The following SLC5A11 variants were observed in gnomAD, a reference collection of about 807,000 sequenced individuals.
SLC5A11 encodes solute carrier family 5 member 11, also known as sodium/myo-inositol cotransporter 2.
A neutral mutation model predicts 69.8 loss-of-function variants in SLC5A11; 48 were observed. The ratio of observed to expected loss-of-function variants is 0.69; its 90% CI spans 0.55 to 0.87. The LOEUF (loss-of-function observed/expected upper bound fraction) is 0.87, where lower values mean the gene tolerates loss of function less well. Among genes scored for constraint, SLC5A11 ranks in the 40% least tolerant of loss-of-function variants. The pLI is 0.00. For synonymous variants in SLC5A11, 319 were observed against 342.4 expected (o/e 0.93, Z 0.75); for missense variants, 784 against 866.1 (o/e 0.91, Z 1.19).
chr16:24,897,633 T>C (rs1387036691), intron 9 of SLC5A11, among the ~76,000 whole-genome samples: 5 of 152,046 alleles, frequency 3.3e-5, no homozygotes, highest in Non-Finnish European at 7.4e-5. Flanking sequence ...TATAAAGAGG[T>C]TGAATGGACT....
intron 2 of SLC5A11, among the ~76,000 whole-genome samples, chr16:24,860,512 A>AAATTCCCTGCAGCAG (rs141284131): frequency 0.45 from 67,517 of 151,552 alleles, 17,131 homozygotes; most frequent in African/African-American, 0.7. Flanking sequence ...GCTATAAGAT[A>AAATTCCCTGCAGCAG]AATTCCCTGC....
chr16:24,858,428 T>TTGAA (rs140546428), intron 1 of SLC5A11, among the ~76,000 whole-genome samples, 192 bp from the exon 3 acceptor site: 42,817 of 151,784 alleles, frequency 0.28, 7,237 homozygotes, highest in African/African-American at 0.48. Flanking sequence ...TGAATATGTG[T>TTGAA]TGAATGAATG....
At chr16:24,856,275 ACTAT>A (rs148806646) in intron 1 of SLC5A11, among the ~76,000 whole-genome samples, 10,943 of 152,142 alleles carry the variant, frequency 0.072, 876 homozygotes, top group East Asian at 0.35. Context: ...CCCATTTATC[ACTAT>A]CTGAGTCCAC....
intron 1 of SLC5A11, among the ~76,000 whole-genome samples, chr16:24,847,935 A>C (rs1019956120): frequency 4.6e-5 from 7 of 152,210 alleles, no homozygotes; most frequent in African/African-American, 1.7e-4. Flanking sequence ...ACAAGGGGTA[A>C]TCACACACAT....
At chr16:24,874,695 C>T (rs920827839) in intron 5 of SLC5A11, among the ~76,000 whole-genome samples, 1 of 152,090 alleles carries the variant, frequency 6.6e-6, no homozygotes, top group East Asian at 1.9e-4. Context: ...CTCCGTCCCC[C>T]ACCACACACA....
At chr16:24,896,942 C>CTTTTTTTTTTTTTTT (rs869210839) in intron 9 of SLC5A11, among the ~76,000 whole-genome samples, 1 of 97,092 alleles carries the variant, frequency 1.0e-5, no homozygotes. Context: ...AACCTCCTTC[C>CTTTTTTTTTTTTTTT]TTTTTTTTTT....
intron 7 of SLC5A11, among the ~76,000 whole-genome samples, chr16:24,879,136 G>GT (rs2047879800): frequency 2.6e-5 from 4 of 151,224 alleles, no homozygotes; most frequent in Non-Finnish European, 4.4e-5. Flanking sequence ...GGTTTTTTTT[G>GT]GTTTTTTGTT....
intron 3 of SLC5A11, among the ~76,000 whole-genome samples, chr16:24,865,221 G>A (rs989217694): frequency 3.3e-5 from 5 of 152,148 alleles, no homozygotes; most frequent in Non-Finnish European, 7.4e-5. Context: ...ACTGTCAAAA[G>A]TCAAAGATTC....
chr16:24,908,348 C>G (rs2050229960), intron 13 of SLC5A11, among the ~76,000 whole-genome samples: 1 of 152,004 alleles, frequency 6.6e-6, no homozygotes, highest in South Asian at 2.1e-4. Flanking sequence ...CCTGTAATCC[C>G]AGCACTTTGG....
chr16:24,856,068 A>C (rs557222604), intron 1 of SLC5A11, among the ~76,000 whole-genome samples: 1 of 152,174 alleles, frequency 6.6e-6, no homozygotes, highest in Non-Finnish European at 1.5e-5. Context: ...CCCAGAGCAC[A>C]TGTGTGCACT....
intron 1 of SLC5A11, among the ~76,000 whole-genome samples, chr16:24,857,750 T>A (rs755506351): frequency 2.6e-5 from 4 of 152,244 alleles, no homozygotes; most frequent in Non-Finnish European, 5.9e-5. Flanking sequence ...TAGCTGCAGC[T>A]AGGCATCTCC....
intron 3 of SLC5A11, among the ~76,000 whole-genome samples, chr16:24,865,542 G>T (rs1204139274): frequency 6.6e-6 from 1 of 152,172 alleles, no homozygotes; most frequent in Non-Finnish European, 1.5e-5. Flanking sequence ...GGGTGACAGA[G>T]TGAGACTCCA....
At chr16:24,849,878 G>A (rs762853233) in intron 1 of SLC5A11, among the ~76,000 whole-genome samples, 8 of 151,584 alleles carry the variant, frequency 5.3e-5, no homozygotes, top group Non-Finnish European at 1.2e-4. Flanking sequence ...TCTTGCTAAC[G>A]GACTAGGGGT....
exon 9 of SLC5A11, chr16:24,890,989 G>A (rs767240476): frequency 4.3e-6 from 7 of 1,614,182 alleles, no homozygotes; most frequent in South Asian, 2.2e-5. Context: ...CATATTTTCC[G>A]AGATCCGCTG....
chr16:24,853,701 T>C (rs1416959454), intron 1 of SLC5A11, among the ~76,000 whole-genome samples: 14 of 152,234 alleles, frequency 9.2e-5, no homozygotes, highest in Admixed American at 6.5e-4. Context: ...AGCACAGCTA[T>C]GCCTGAGTTA....
chr16:24,853,296 A>G (rs1365501412), intron 1 of SLC5A11, among the ~76,000 whole-genome samples: 16 of 133,768 alleles, frequency 1.2e-4, no homozygotes, highest in African/African-American at 3.1e-5. Context: ...TGCCTAATAA[A>G]TGTTTATTTC....
chr16:24,911,166 C>CAAA (rs59292009), intron 15 of SLC5A11, among the ~76,000 whole-genome samples, 162 bp from the exon 17 acceptor site: 3,979 of 65,942 alleles, frequency 0.06, 290 homozygotes, highest in African/African-American at 0.18. Context: ...GAGACTCTCT[C>CAAA]AAAAAAAAAA....
At chr16:24,873,407 G>A (rs1338286744) in intron 5 of SLC5A11, among the ~76,000 whole-genome samples, 1 of 152,058 alleles carries the variant, frequency 6.6e-6, no homozygotes, top group Non-Finnish European at 1.5e-5. Context: ...GTGGTGGGAG[G>A]ATTGCTTGAA....
At chr16:24,886,329 G>A (rs1007972703) in intron 8 of SLC5A11, among the ~76,000 whole-genome samples, 3 of 152,002 alleles carry the variant, frequency 2.0e-5, no homozygotes, top group African/African-American at 7.2e-5. Context: ...CACCACGCCC[G>A]GCTGAAAACA....
Sources: allele counts gnomAD v4.1 joint callset (sites outside exome capture counted in the v4.1 genomes callset), GRCh38; gene constraint gnomAD v4.1.1; transcripts MANE v1.5; gene names NCBI Gene and HGNC (gene_info 2026-07-23, HGNC 2026-07-21).